The following CHL1 variants were observed in gnomAD, a reference collection of about 807,000 sequenced individuals.
The protein encoded by CHL1 is neural cell adhesion molecule L1-like protein.
Under a neutral mutation model 141.9 loss-of-function variants are expected in CHL1, and 96 were observed. The observed-to-expected ratio is 0.68, with a 90% CI of 0.57 to 0.80. The LOEUF (loss-of-function observed/expected upper bound fraction) is 0.80. CHL1 is among the 30% of genes least tolerant of loss of function. The pLI, the probability that CHL1 is intolerant of heterozygous loss-of-function variation, is 0.00. For missense variants in CHL1, 1,820 were observed against 1,457.2 expected, an observed-to-expected ratio of 1.25 and a Z score of -4.05; for synonymous variants, 613 against 502.2, an observed-to-expected ratio of 1.22 and a Z score of -2.95.
At chr3:377,382 A>G (rs1706465331) in intron 15 of CHL1, among the ~76,000 whole-genome samples, 2 of 152,174 alleles carry the variant, frequency 1.3e-5, no homozygotes, top group South Asian at 4.1e-4. Flanking sequence ...CTTCTCAGGT[A>G]TTCTGGTTCT....
intron 2 of CHL1, among the ~76,000 whole-genome samples, chr3:294,581 A>G (rs1237016583): frequency 5.3e-5 from 8 of 152,190 alleles, no homozygotes; most frequent in African/African-American, 1.7e-4. Context: ...TTTTTTCCAC[A>G]TTCACTATTG....
intron 2 of CHL1, among the ~76,000 whole-genome samples, chr3:275,492 A>G (rs1194239668): frequency 6.6e-6 from 1 of 152,204 alleles, no homozygotes; most frequent in Non-Finnish European, 1.5e-5. Flanking sequence ...TCTCTATAGA[A>G]CAAAGCCATA....
At chr3:272,101 G>T (rs1039211969) in intron 2 of CHL1, among the ~76,000 whole-genome samples, 1 of 152,086 alleles carries the variant, frequency 6.6e-6, no homozygotes, top group Admixed American at 6.5e-5. Flanking sequence ...AATCTTACCA[G>T]TTGCTATCAA....
At chr3:347,425 T>C (rs940472520) in intron 9 of CHL1, among the ~76,000 whole-genome samples, 19 of 152,180 alleles carry the variant, frequency 1.2e-4, no homozygotes, top group Admixed American at 3.3e-4. Context: ...TTGGCAAGAA[T>C]AGAGCTGAAA....
intron 2 of CHL1, among the ~76,000 whole-genome samples, chr3:313,584 A>T (rs9833442): frequency 2.2e-4 from 33 of 152,180 alleles, no homozygotes; most frequent in African/African-American, 7.7e-4. Context: ...ATTATTAGGA[A>T]ATGATTATTA....
intron 1 of CHL1, 126 bp downstream of exon 1, chr3:197,189 A>T (rs1257940966): frequency 2.6e-5 from 4 of 152,286 alleles, no homozygotes; most frequent in Admixed American, 2.0e-4. Context: ...GGGCGCGGTC[A>T]GGGTCCCTCG....
intron 24 of CHL1, among the ~76,000 whole-genome samples, chr3:395,581 G>C (rs565126993): frequency 6.6e-6 from 1 of 152,238 alleles, no homozygotes; most frequent in Admixed American, 6.5e-5. Context: ...GTGAAACAGA[G>C]AGAGATTTAT....
At chr3:383,756 A>T in intron 18 of CHL1, 60 bp from the exon 19 acceptor site, 1 of 1,174,188 alleles carries the variant, frequency 8.5e-7, no homozygotes, top group East Asian at 2.4e-5. Flanking sequence ...AGGAGTTGTG[A>T]TATGATGACT....
intron 2 of CHL1, among the ~76,000 whole-genome samples, chr3:266,035 C>T (rs1695119683): frequency 6.6e-6 from 1 of 152,194 alleles, no homozygotes; most frequent in Non-Finnish European, 1.5e-5. Context: ...TTATTGGGGG[C>T]AGCTCTCAGA....
chr3:261,273 C>G (rs1460933766), intron 2 of CHL1, among the ~76,000 whole-genome samples: 1 of 150,282 alleles, frequency 6.7e-6, no homozygotes, highest in Non-Finnish European at 1.5e-5. Context: ...AGTACTTGGT[C>G]TTTTTTAAAA....
At chr3:314,283 TC>T (rs1388974612) in intron 2 of CHL1, among the ~76,000 whole-genome samples, 9 of 127,968 alleles carry the variant, frequency 7.0e-5, no homozygotes, top group South Asian at 5.3e-4. Flanking sequence ...TAGCATAACC[TC>T]CCCCCAATCT....
chr3:387,327 G>A (rs1387252238), intron 19 of CHL1, among the ~76,000 whole-genome samples: 1 of 152,166 alleles, frequency 6.6e-6, no homozygotes, highest in Non-Finnish European at 1.5e-5. Flanking sequence ...GAGAGGCAGA[G>A]GGAAGGGAAG....
At position 308,462 on chromosome 3, in the gene CHL1, CA is replaced by C. The variant is rs1699440504; in HGVS notation, c.-94-11215del. Among the ~76,000 whole-genome samples the C allele has an allele frequency of 2.0e-5, 3 of 151,730 alleles. 1 individual carries two copies. In the South Asian group the frequency reaches 6.3e-4, roughly 32 times the overall value. On this transcript the variant is annotated intron_variant, in intron 2 of 27. Transcript: ENST00000256509. ...ATCCACCTGAACAATTTGATTAACA[CA>C]AAAAACTGGAGAAGTAGATTAAAAC...
chr3:343,195 A>G (rs1702477365), intron 8 of CHL1, among the ~76,000 whole-genome samples, 164 bp downstream of exon 8: 1 of 152,182 alleles, frequency 6.6e-6, no homozygotes, highest in African/African-American at 2.4e-5. Flanking sequence ...TCTTAAATAT[A>G]TGCAAAGGGA....
intron 25 of CHL1, 21 bp downstream of exon 25, chr3:398,406 T>A (rs1379973613): frequency 6.6e-7 from 1 of 1,514,690 alleles, no homozygotes; most frequent in Non-Finnish European, 9.2e-7. Context: ...AGATTATATT[T>A]GGGGAAGTCT....
At chr3:280,783 T>A (rs1179600653) in intron 2 of CHL1, among the ~76,000 whole-genome samples, 1 of 152,162 alleles carries the variant, frequency 6.6e-6, no homozygotes, top group Non-Finnish European at 1.5e-5. Flanking sequence ...GTAAGTTTAA[T>A]CATTACTCTT....
intron 2 of CHL1, among the ~76,000 whole-genome samples, chr3:262,810 T>A (rs917851574): frequency 5.3e-5 from 8 of 152,234 alleles, no homozygotes; most frequent in Admixed American, 3.9e-4. Flanking sequence ...AAACTCATAA[T>A]GTTTAAGACA....
intron 2 of CHL1, among the ~76,000 whole-genome samples, chr3:287,698 T>C (rs1697285798): frequency 6.6e-6 from 1 of 152,136 alleles, no homozygotes; most frequent in Admixed American, 6.5e-5. Context: ...CCTTCAAGCA[T>C]CAAATATACC....
At chr3:240,386 A>G (rs1443888552) in intron 1 of CHL1, among the ~76,000 whole-genome samples, 7 of 152,090 alleles carry the variant, frequency 4.6e-5, no homozygotes, top group Admixed American at 4.6e-4. Flanking sequence ...TGTTGGCCAT[A>G]TGTATATCTT....
Sources: allele counts gnomAD v4.1 joint callset (sites outside exome capture counted in the v4.1 genomes callset), GRCh38; gene constraint gnomAD v4.1.1; transcripts MANE v1.5; gene names NCBI Gene and HGNC (gene_info 2026-07-23, HGNC 2026-07-21).